ZNF804A: variants seen among roughly 807,000 people sequenced by gnomAD.
ZNF804A encodes the protein zinc finger protein 804A.
ZNF804A carries 2 observed loss-of-function variants against 16.5 expected under a neutral mutation model. The ratio of observed to expected loss-of-function variants is 0.12; its 90% CI spans 0.05 to 0.38. The LOEUF is 0.38. ZNF804A is among the 10% of genes least tolerant of loss of function. The pLI is 0.99. For missense variants in ZNF804A, 1,473 were observed against 1,390.7 expected, an observed-to-expected ratio of 1.06 and a Z score of -0.94; for synonymous variants, 534 against 489.6, an observed-to-expected ratio of 1.09 and a Z score of -1.20.
Position 184,938,339 on chromosome 2 carries a change from A to G in ZNF804A, c.2943A>G (p.Gln981=). The stretch of plus-strand genomic sequence containing the variant: ...ATGAACTGGCTGAGGCCCTTCCACA[A>G]GGAAAGATGAATGAGACACCAACTG... ...CHYELAEALP[Q]GKMNETPTEW... The change falls in exon 4 of 4, where the codon CAA becomes CAG. Residue 981 remains glutamine, a synonymous_variant. Coordinates refer to ENST00000302277, the MANE Select transcript of ZNF804A (RefSeq NM_194250.2). 6.2e-7 allele frequency: 1 copy of G among 1,614,168 alleles called. No homozygotes were observed. Among genetic ancestry groups the G allele is most frequent in the Non-Finnish European group, 8.5e-7 (1 of 1,180,022 alleles).
chr2:184,732,122 T>C (rs1242299383), intron 1 of ZNF804A, among the ~76,000 whole-genome samples: 1 of 152,176 alleles, frequency 6.6e-6, no homozygotes. Flanking sequence ...CAAAAATATC[T>C]TGCCAAACTC....
At chr2:184,810,818 C>T (rs1694887381) in intron 1 of ZNF804A, among the ~76,000 whole-genome samples, 1 of 151,996 alleles carries the variant, frequency 6.6e-6, no homozygotes, top group African/African-American at 2.4e-5. Context: ...TGAGATTGAT[C>T]AAATACACTA....
chr2:184,703,242 A>G (rs1692957285), intron 1 of ZNF804A, among the ~76,000 whole-genome samples: 1 of 152,192 alleles, frequency 6.6e-6, no homozygotes, highest in African/African-American at 2.4e-5. Context: ...GTTGCTAAAA[A>G]GTAGTTTTAT....
chr2:184,710,227 G>A (rs1693104305), intron 1 of ZNF804A, among the ~76,000 whole-genome samples: 1 of 151,584 alleles, frequency 6.6e-6, no homozygotes, highest in African/African-American at 2.4e-5. Context: ...GTGGGCATGG[G>A]TGAACTGTCA....
intron 1 of ZNF804A, among the ~76,000 whole-genome samples, chr2:184,861,659 C>G (rs1019273914): frequency 3.9e-5 from 6 of 152,130 alleles, no homozygotes; most frequent in Non-Finnish European, 8.8e-5. Context: ...TGTATATACC[C>G]TACTAACAGT....
At chr2:184,820,336 A>G (rs1323716773) in intron 1 of ZNF804A, among the ~76,000 whole-genome samples, 4 of 152,178 alleles carry the variant, frequency 2.6e-5, no homozygotes, top group Non-Finnish European at 4.4e-5. Flanking sequence ...ATCTCAATAG[A>G]TGCAGGAAAT....
intron 1 of ZNF804A, among the ~76,000 whole-genome samples, chr2:184,673,271 T>C (rs1020163210): frequency 1.3e-5 from 2 of 152,184 alleles, no homozygotes; most frequent in African/African-American, 4.8e-5. Context: ...TCAAATGTGT[T>C]TAATAACCCA....
intron 2 of ZNF804A, among the ~76,000 whole-genome samples, chr2:184,896,005 CAT>C (rs1222544816): frequency 6.6e-6 from 1 of 151,998 alleles, no homozygotes; most frequent in African/African-American, 2.4e-5. Flanking sequence ...ATACTATAAA[CAT>C]ATATGAATAA....
intron 1 of ZNF804A, among the ~76,000 whole-genome samples, chr2:184,657,082 T>G (rs1193765184): frequency 6.6e-6 from 1 of 152,358 alleles, no homozygotes; most frequent in East Asian, 1.9e-4. Flanking sequence ...TTTGTGCATT[T>G]GTGAGATAGA....
chr2:184,939,119 T>C lies in ZNF804A; in HGVS notation c.*93T>C. On this transcript the variant is annotated 3_prime_UTR_variant, in exon 4 of 4. Coordinates refer to ENST00000302277, the MANE Select transcript of ZNF804A (RefSeq NM_194250.2). ...TGTGGGTACATGGCTATTTAACTGG[T>C]GGAAATAAACTGGCCGATACATGGC... is the stretch of plus-strand genomic sequence containing the variant. 3 of 1,486,074 alleles carry C rather than the reference T, an allele frequency of 2.0e-6. No homozygotes were observed. The highest frequency in any genetic ancestry group is 2.7e-6 in the Non-Finnish European group (3 of 1,104,936). 92.1% of individuals were successfully genotyped at this position (1,486,074 alleles called of 1,614,324 possible).
At chr2:184,782,223 G>A (rs1694381509) in intron 1 of ZNF804A, among the ~76,000 whole-genome samples, 1 of 151,628 alleles carries the variant, frequency 6.6e-6, no homozygotes, top group South Asian at 2.1e-4. Flanking sequence ...TTTACAATAG[G>A]AATTTGACAT....
intron 1 of ZNF804A, among the ~76,000 whole-genome samples, chr2:184,603,189 G>C (rs1274793874): frequency 6.6e-6 from 1 of 151,984 alleles, no homozygotes. Flanking sequence ...CAAATTTATC[G>C]AGGTGCCTCA....
At chr2:184,826,623 G>A (rs1235127049) in intron 1 of ZNF804A, among the ~76,000 whole-genome samples, 1 of 152,034 alleles carries the variant, frequency 6.6e-6, no homozygotes, top group Non-Finnish European at 1.5e-5. Context: ...CAAGTTGGAA[G>A]TTTTATTTTT....
intron 1 of ZNF804A, among the ~76,000 whole-genome samples, chr2:184,651,076 G>T (rs1691975421): frequency 6.6e-6 from 1 of 151,916 alleles, no homozygotes; most frequent in African/African-American, 2.4e-5. Context: ...AAACAGCATG[G>T]TACTGGTATG....
At chr2:184,807,380 G>A (rs1297905191) in intron 1 of ZNF804A, among the ~76,000 whole-genome samples, 2 of 151,784 alleles carry the variant, frequency 1.3e-5, no homozygotes, top group African/African-American at 4.8e-5. Flanking sequence ...AAATGAAAGG[G>A]GGTGAAGGGA....
At chr2:184,614,090 T>C (rs2105674283) in intron 1 of ZNF804A, among the ~76,000 whole-genome samples, 1 of 152,114 alleles carries the variant, frequency 6.6e-6, no homozygotes, top group East Asian at 1.9e-4. Flanking sequence ...AACAGATATA[T>C]AGACTAATGG....
At chr2:184,870,079 C>T (rs990201076) in intron 2 of ZNF804A, among the ~76,000 whole-genome samples, 1 of 151,756 alleles carries the variant, frequency 6.6e-6, no homozygotes, top group East Asian at 1.9e-4. Flanking sequence ...TCTTACATGC[C>T]CTTATCTTCC....
chr2:184,725,069 A>G (rs907190752), intron 1 of ZNF804A, among the ~76,000 whole-genome samples: 2 of 151,738 alleles, frequency 1.3e-5, no homozygotes, highest in African/African-American at 4.8e-5. Context: ...ATTGAATATT[A>G]GAATAAGACA....
At chr2:184,932,886 A>G (rs936300537) in intron 2 of ZNF804A, among the ~76,000 whole-genome samples, 2 of 152,140 alleles carry the variant, frequency 1.3e-5, no homozygotes, top group Non-Finnish European at 2.9e-5. Context: ...AACACAGATG[A>G]AAGATAATAC....
Sources: allele counts gnomAD v4.1 joint callset (sites outside exome capture counted in the v4.1 genomes callset), GRCh38; gene constraint gnomAD v4.1.1; transcripts MANE v1.5; gene names NCBI Gene and HGNC (gene_info 2026-07-23, HGNC 2026-07-21).